The following LIN7A variants were observed in gnomAD, a reference collection of about 807,000 sequenced individuals.
LIN7A encodes the protein lin-7 cell polarity scaffold A.
Under a neutral mutation model 29.8 loss-of-function variants are expected in LIN7A, and 25 were observed. That is an observed-to-expected ratio of 0.84 (90% confidence interval 0.61 to 1.17). The LOEUF (loss-of-function observed/expected upper bound fraction) is 1.17, where lower values mean the gene tolerates loss of function less well. Among genes scored for constraint, LIN7A ranks in the 50% most tolerant of loss-of-function variants. LIN7A has a pLI of 0.00. For missense variants in LIN7A, 239 were observed against 287.0 expected, an observed-to-expected ratio of 0.83 and a Z score of 1.21; for synonymous variants, 118 against 107.5, an observed-to-expected ratio of 1.10 and a Z score of -0.60.
intron 1 of LIN7A, among the ~76,000 whole-genome samples, chr12:80,896,918 A>T (rs1875932194): frequency 6.6e-6 from 1 of 152,176 alleles, no homozygotes; most frequent in Non-Finnish European, 1.5e-5. Flanking sequence ...TACTTATTTC[A>T]TTTGAAATTG....
At chr12:80,838,435 G>C (rs1178876147) in intron 4 of LIN7A, among the ~76,000 whole-genome samples, 4 of 152,148 alleles carry the variant, frequency 2.6e-5, no homozygotes, top group Non-Finnish European at 5.9e-5. Flanking sequence ...CAGAATGAAG[G>C]GGGGTAGAAT....
rs2039442503 is a variant in LIN7A at position 80,886,497 on chromosome 12, AT to A, written c.201+2753del. On this transcript the variant is annotated intron_variant, in intron 2 of 5. Coordinates refer to ENST00000552864, the MANE Select transcript of LIN7A (RefSeq NM_004664.4). Reference sequence around the variant, plus strand: ...TCAACACAATAAGAATAATAAAGAAATTCCAAACTTAGCAAATATAAACCAT... The same window carrying A: ...TCAACACAATAAGAATAATAAAGAAATCCAAACTTAGCAAATATAAACCAT... Among the ~76,000 whole-genome samples the A allele has an allele frequency of 7.2e-5, 11 of 151,728 alleles. No homozygotes were observed. The South Asian group carries it at 2.3e-3, about 32-fold the overall frequency.
At chr12:80,896,440 C>T (rs149880057) in intron 1 of LIN7A, among the ~76,000 whole-genome samples, 32 of 152,260 alleles carry the variant, frequency 2.1e-4, no homozygotes, top group African/African-American at 7.7e-4. Context: ...TGTGTACCAA[C>T]AACATAAAAT....
rs1285108805 is a variant in LIN7A at position 80,937,793 on chromosome 12, G to C, written c.-71C>G. On this transcript the variant is annotated 5_prime_UTR_variant, in exon 1 of 6. Coordinates refer to ENST00000552864, the MANE Select transcript of LIN7A (RefSeq NM_004664.4). ...GGGTGGAGAGGGAAGACGGAAAGGA[G>C]GGGGAGGAGGGGGAAGGAAGGAAGG... 6 of 886,384 alleles carry C rather than the reference G, an allele frequency of 6.8e-6. No individual in the cohort carries two copies. Among genetic ancestry groups the C allele is most frequent in the Non-Finnish European group, 1.6e-6 (1 of 633,766 alleles). The allele number at this position is 886,384 out of a possible 1,614,324, so 54.9% of individuals were successfully genotyped here. A position where few individuals can be genotyped will look rare whatever the true frequency, so the allele number is the denominator to read the frequency against.
At chr12:80,826,723 G>A (rs11114630) in intron 4 of LIN7A, among the ~76,000 whole-genome samples, 130,100 of 152,086 alleles carry the variant, frequency 0.86, 55,995 homozygotes, top group African/African-American at 0.94. Flanking sequence ...GGATTTCACC[G>A]TGTTGGCCAG....
At chr12:80,930,336 T>C (rs1487631135) in intron 1 of LIN7A, among the ~76,000 whole-genome samples, 2 of 152,212 alleles carry the variant, frequency 1.3e-5, no homozygotes, top group Non-Finnish European at 2.9e-5. Flanking sequence ...AGTATATTAC[T>C]TAGCAAAATT....
At chr12:80,912,713 CA>C (rs5799498) in intron 1 of LIN7A, among the ~76,000 whole-genome samples, 217 of 135,354 alleles carry the variant, frequency 1.6e-3, no homozygotes, top group Non-Finnish European at 2.0e-3. Flanking sequence ...AGACTTGTCT[CA>C]AAAAAAAAAA....
intron 4 of LIN7A, among the ~76,000 whole-genome samples, chr12:80,826,937 C>T (rs1872108117): frequency 2.0e-5 from 3 of 152,132 alleles, no homozygotes; most frequent in Admixed American, 2.0e-4. Flanking sequence ...ATGGTTTATC[C>T]CTGATACCTA....
At chr12:80,895,260 G>T (rs899398307) in intron 1 of LIN7A, among the ~76,000 whole-genome samples, 3 of 152,040 alleles carry the variant, frequency 2.0e-5, no homozygotes, top group Non-Finnish European at 4.4e-5. Context: ...AAAATAGCTG[G>T]AACATTATAA....
At chr12:80,896,920 T>A (rs568120270) in intron 1 of LIN7A, among the ~76,000 whole-genome samples, 178 of 152,328 alleles carry the variant, frequency 1.2e-3, no homozygotes, top group African/African-American at 3.7e-3. Flanking sequence ...CTTATTTCAT[T>A]TGAAATTGAT....
intron 2 of LIN7A, among the ~76,000 whole-genome samples, chr12:80,857,933 A>G (rs1376715600): frequency 6.6e-6 from 1 of 152,106 alleles, no homozygotes; most frequent in Non-Finnish European, 1.5e-5. Flanking sequence ...GGATGGGGAG[A>G]CCCTCTAGGA....
chr12:80,817,010 C>T (rs911072895), intron 4 of LIN7A, among the ~76,000 whole-genome samples: 11 of 152,308 alleles, frequency 7.2e-5, no homozygotes, highest in South Asian at 4.1e-4. Flanking sequence ...TCAAGTGATG[C>T]GCCTGCTTCA....
intron 2 of LIN7A, 39 bp from the exon 3 acceptor site, chr12:80,848,361 TGAA>T: frequency 7.3e-7 from 1 of 1,370,302 alleles, no homozygotes. Context: ...TGTAAGAACA[TGAA>T]GAATAATAAT....
intron 4 of LIN7A, among the ~76,000 whole-genome samples, chr12:80,834,624 A>G (rs772776151): frequency 1.7e-4 from 26 of 152,198 alleles, no homozygotes; most frequent in Non-Finnish European, 3.5e-4. Context: ...TTCTAATACC[A>G]CAATTGCTGA....
chr12:80,832,934 TACTGGCCAGGATAA>T (rs1202699844), intron 4 of LIN7A, among the ~76,000 whole-genome samples: 14 of 152,204 alleles, frequency 9.2e-5, no homozygotes, highest in African/African-American at 2.9e-4. Context: ...GGGAGGGTGT[TACTGGCCAGGATAA>T]ACATTCTACA....
At chr12:80,925,110 G>A (rs889797727) in intron 1 of LIN7A, among the ~76,000 whole-genome samples, 1 of 152,150 alleles carries the variant, frequency 6.6e-6, no homozygotes, top group Non-Finnish European at 1.5e-5. Context: ...GCAAATGTTT[G>A]AGCACATATC....
At chr12:80,801,415 A>T (rs895334941) in intron 5 of LIN7A, among the ~76,000 whole-genome samples, 3 of 152,218 alleles carry the variant, frequency 2.0e-5, no homozygotes, top group African/African-American at 7.2e-5. Context: ...GGGCCCAGGA[A>T]GCAATGAATT....
At chr12:80,834,898 C>A (rs1288607340) in intron 4 of LIN7A, among the ~76,000 whole-genome samples, 1 of 152,178 alleles carries the variant, frequency 6.6e-6, no homozygotes, top group African/African-American at 2.4e-5. Flanking sequence ...AACATTCCAA[C>A]CTTGCTTTAG....
intron 2 of LIN7A, among the ~76,000 whole-genome samples, chr12:80,873,214 C>G (rs1055272488): frequency 2.0e-5 from 3 of 152,094 alleles, no homozygotes; most frequent in Non-Finnish European, 4.4e-5. Flanking sequence ...GGCTAATCCC[C>G]TCTCTCCTTT....
Sources: gnomAD v4.1 joint callset for allele counts (sites outside exome capture counted in the v4.1 genomes callset) on GRCh38, gnomAD v4.1.1 for gene constraint, MANE v1.5 for transcripts, NCBI Gene and HGNC (gene_info 2026-07-23, HGNC 2026-07-21) for gene names.